The following ANKRD33B variants were observed in gnomAD, a reference collection of about 807,000 sequenced individuals.
ANKRD33B encodes ankyrin repeat domain 33B, also known as ankyrin repeat domain-containing protein 33B.
A neutral mutation model predicts 21.5 loss-of-function variants in ANKRD33B; 6 were observed. That is an observed-to-expected ratio of 0.28 (90% CI 0.15 to 0.55). ANKRD33B has a LOEUF of 0.55. Ranked by LOEUF, ANKRD33B falls within the 20% of genes least tolerant of loss-of-function variation. ANKRD33B has a pLI of 0.94. For missense variants in ANKRD33B, 698 were observed against 747.2 expected (o/e 0.93, Z 0.77); for synonymous variants, 347 against 342.4 (o/e 1.01, Z -0.15).
chr5:10,642,199 G>C (rs1244434897), intron 3 of ANKRD33B, among the ~76,000 whole-genome samples: 4 of 152,156 alleles, frequency 2.6e-5, no homozygotes, highest in African/African-American at 9.7e-5. Flanking sequence ...GGGGTTTCAG[G>C]CATGTGTGAC....
Position 10,619,265 on chromosome 5 carries a change from AG to A in ANKRD33B, c.496+805del. 1 of 982,778 alleles carries A rather than the reference AG, an allele frequency of 1.0e-6. No homozygotes were observed. The highest frequency in any genetic ancestry group is 1.7e-5 in the African/African-American group (1 of 57,302). 60.9% of individuals were successfully genotyped at this position (982,778 alleles called of 1,614,324 possible). ...CAAAGAAGCTGCCTGCAGCTGAGCC[AG>A]GAAGAACAGGCGCTTGTGTGTTGAA... On this transcript the variant is annotated intron_variant, in intron 2 of 3. Transcript: ENST00000296657. This position sits in a 1 kb window ranked among gnomAD's most constrained non-coding sequence, Gnocchi z 4.5.
intron 2 of ANKRD33B, among the ~76,000 whole-genome samples, chr5:10,622,546 TTA>T (rs1393904905): frequency 6.6e-6 from 1 of 152,230 alleles, no homozygotes; most frequent in African/African-American, 2.4e-5. Flanking sequence ...CCACAAATGC[TTA>T]TGTTTTTCAC....
At chr5:10,578,456 T>C (rs1267394146) in intron 1 of ANKRD33B, among the ~76,000 whole-genome samples, 5 of 152,162 alleles carry the variant, frequency 3.3e-5, no homozygotes, top group Non-Finnish European at 7.4e-5. Flanking sequence ...TCCCTTATAC[T>C]GGATTCTTTT....
chr5:10,634,457 A>AT (rs34515233), intron 2 of ANKRD33B, among the ~76,000 whole-genome samples: 8,970 of 141,682 alleles, frequency 0.063, 469 homozygotes, highest in Middle Eastern at 0.16. Flanking sequence ...CTCAAACTAG[A>AT]TTTTTTTCTT....
chr5:10,634,456 G>A (rs1736806162), intron 2 of ANKRD33B, among the ~76,000 whole-genome samples: 1 of 115,592 alleles, frequency 8.7e-6, no homozygotes, highest in Non-Finnish European at 1.9e-5. Flanking sequence ...GCTCAAACTA[G>A]ATTTTTTTCT....
intron 1 of ANKRD33B, among the ~76,000 whole-genome samples, chr5:10,572,174 C>G (rs1560959569): frequency 6.6e-6 from 1 of 152,162 alleles, no homozygotes; most frequent in Non-Finnish European, 1.5e-5. Flanking sequence ...CAGGCGTGAG[C>G]CACCACACCC....
intron 3 of ANKRD33B, 125 bp downstream of exon 3, chr5:10,638,293 G>A (rs998496421): frequency 3.2e-6 from 4 of 1,241,668 alleles, no homozygotes; most frequent in East Asian, 2.6e-5. Context: ...ATAAATAATA[G>A]TTTCTTCACT....
At chr5:10,612,573 C>T (rs1222043593) in intron 1 of ANKRD33B, among the ~76,000 whole-genome samples, 1 of 152,246 alleles carries the variant, frequency 6.6e-6, no homozygotes, top group Non-Finnish European at 1.5e-5. Context: ...AGTCAGTCTT[C>T]ATTCACGCTG....
intron 2 of ANKRD33B, chr5:10,628,139 CCCAATTCTGTAACATTTT>C (rs1382658070): frequency 1.3e-5 from 2 of 152,276 alleles, no homozygotes; most frequent in Non-Finnish European, 2.9e-5. Context: ...TCTTAGACAA[CCCAATTCTGTAACATTTT>C]CCAATTTTTA....
intron 1 of ANKRD33B, among the ~76,000 whole-genome samples, chr5:10,605,535 T>C: frequency 1.3e-5 from 1 of 77,368 alleles, no homozygotes; most frequent in Non-Finnish European, 2.8e-5. Flanking sequence ...TTCTTCTTCC[T>C]TTTTTTTTTT....
intron 3 of ANKRD33B, among the ~76,000 whole-genome samples, chr5:10,646,923 C>A (rs1336849516): frequency 6.6e-6 from 1 of 152,206 alleles, no homozygotes; most frequent in East Asian, 1.9e-4. Flanking sequence ...GGGGACCCGA[C>A]CTTCCTCAGT....
rs143007985 is a variant in ANKRD33B, at chr5:10,614,660, G to A, written c.367-3673G>A. 7.9e-3 allele frequency among the ~76,000 whole-genome samples: 1,200 copies of A among 151,738 alleles called. 10 individuals carry two copies. The highest frequency in any genetic ancestry group is 0.028 in the African/African-American group (1,143 of 41,458). The stretch of plus-strand genomic sequence containing the variant: ...CCAACACTTTGGGAGGCTGAGGTGG[G>A]TGGATCATTCGAGGTCAGGAGTTTG... On this transcript the variant is annotated intron_variant, in intron 1 of 3. Coordinates refer to ENST00000296657, the MANE Select transcript of ANKRD33B (RefSeq NM_001164440.2).
Position 10,650,343 on chromosome 5 carries a change from C to T in ANKRD33B, c.*230C>T, listed in dbSNP as rs528936142. 26 of 370,640 alleles carry T rather than the reference C, an allele frequency of 7.0e-5. No homozygotes were observed. Among genetic ancestry groups the T allele is most frequent in the African/African-American group, 5.5e-4 (26 of 47,374 alleles). 23.0% of individuals were successfully genotyped at this position (370,640 alleles called of 1,614,324 possible). A position where few individuals can be genotyped will look rare whatever the true frequency, so the allele number is the denominator to read the frequency against. On this transcript the variant is annotated 3_prime_UTR_variant, in exon 4 of 4. Coordinates refer to ENST00000296657, the MANE Select transcript of ANKRD33B (RefSeq NM_001164440.2). Reference sequence around the variant, plus strand: ...CCTAGCAATCAGTACACCTAGCGGGCACGTTGCCTAAAAGGCTCCCTTTAG... The same window carrying T: ...CCTAGCAATCAGTACACCTAGCGGGTACGTTGCCTAAAAGGCTCCCTTTAG...
rs1369275672 is a variant in ANKRD33B, at chr5:10,651,387, A to C, written c.*1274A>C. 1 of 152,024 alleles carries C rather than the reference A, an allele frequency of 6.6e-6. No homozygotes were observed. The highest frequency in any genetic ancestry group is 1.5e-5 in the Non-Finnish European group (1 of 67,966). 9.4% of individuals were successfully genotyped at this position (152,024 alleles called of 1,614,324 possible). A position where few individuals can be genotyped will look rare whatever the true frequency, so the allele number is the denominator to read the frequency against. ...CTCTTGGTGAGAGTCTTATGTCCAC[A>C]CTTTTATCTCCAAAGTGACATGGAG... On this transcript the variant is annotated 3_prime_UTR_variant, in exon 4 of 4. Coordinates refer to ENST00000296657, the MANE Select transcript of ANKRD33B (RefSeq NM_001164440.2).
At chr5:10,607,735 A>G (rs1313348312) in intron 1 of ANKRD33B, among the ~76,000 whole-genome samples, 3 of 152,224 alleles carry the variant, frequency 2.0e-5, no homozygotes, top group Non-Finnish European at 4.4e-5. Context: ...TGTCAGGGAC[A>G]TTTTTGAGGA....
intron 1 of ANKRD33B, among the ~76,000 whole-genome samples, chr5:10,566,486 G>C (rs1188787119): frequency 6.6e-6 from 1 of 152,216 alleles, no homozygotes; most frequent in Non-Finnish European, 1.5e-5. Flanking sequence ...AACAGGTGGG[G>C]TGGGCCTCTC....
Position 10,606,231 on chromosome 5 carries a change from C to T in ANKRD33B, c.367-12102C>T, listed in dbSNP as rs536744078. The stretch of plus-strand genomic sequence containing the variant: ...GTGATAATAAGATTTACGTTTTATG[C>T]AAAATTTAGTCTAAAGGGAAATTGT... On this transcript the variant is annotated intron_variant, in intron 1 of 3. Coordinates refer to ENST00000296657, the MANE Select transcript of ANKRD33B (RefSeq NM_001164440.2). 4.6e-5 allele frequency among the ~76,000 whole-genome samples: 7 copies of T among 152,240 alleles called. No homozygotes were observed. The South Asian group carries it at 1.5e-3, about 32-fold the overall frequency.
chr5:10,572,458 C>T (rs144486950), intron 1 of ANKRD33B, among the ~76,000 whole-genome samples: 4 of 152,256 alleles, frequency 2.6e-5, no homozygotes, highest in East Asian at 3.9e-4. Context: ...ATTCTACCCT[C>T]GGAGCCCTGT....
chr5:10,601,446 G>A (rs1264436710), intron 1 of ANKRD33B, among the ~76,000 whole-genome samples: 2 of 152,162 alleles, frequency 1.3e-5, no homozygotes, highest in East Asian at 1.9e-4. Context: ...CTTGGCTAAC[G>A]AGGCTCAACC....
Sources: allele counts gnomAD v4.1 joint callset (sites outside exome capture counted in the v4.1 genomes callset), GRCh38; gene constraint gnomAD v4.1.1; non-coding constraint Gnocchi (gnomAD v3.1); transcripts MANE v1.5; gene names NCBI Gene and HGNC (gene_info 2026-07-23, HGNC 2026-07-21).